Variants in TMPRSS3 observed in about 807,000 individuals in gnomAD.
The protein encoded by TMPRSS3 is transmembrane serine protease 3, also known as transmembrane protease serine 3.
Under a neutral mutation model 59.6 loss-of-function variants are expected in TMPRSS3, and 55 were observed. The observed-to-expected ratio is 0.92, with a 90% confidence interval of 0.74 to 1.16. The LOEUF is 1.16. Ranked by LOEUF, TMPRSS3 falls within the 50% of genes most tolerant of loss-of-function variation. The probability of loss-of-function intolerance (pLI) is 0.00; values close to 1 mark genes in which losing one functional copy is unlikely to be tolerated. For synonymous variants in TMPRSS3, 257 were observed against 237.7 expected (o/e 1.08, Z -0.75); for missense variants, 596 against 579.4 (o/e 1.03, Z -0.29).
At chr21:42,384,402 G>T (rs2052590177) in intron 6 of TMPRSS3, among the ~76,000 whole-genome samples, 1 of 152,158 alleles carries the variant, frequency 6.6e-6, no homozygotes, top group African/African-American at 2.4e-5. Context: ...AGCGTGGCAA[G>T]CTCTCTAGGA....
At chr21:42,374,679 T>C (rs1300344489) in intron 12 of TMPRSS3, among the ~76,000 whole-genome samples, 1 of 152,126 alleles carries the variant, frequency 6.6e-6, no homozygotes, top group Non-Finnish European at 1.5e-5. Flanking sequence ...TGCACAGCCC[T>C]GTGAATGTGC....
chr21:42,373,905 C>T (rs73225477), intron 12 of TMPRSS3, among the ~76,000 whole-genome samples: 8,819 of 152,218 alleles, frequency 0.058, 340 homozygotes, highest in East Asian at 0.19. Flanking sequence ...CTGGAAGACA[C>T]GGCGGTGGGC....
chr21:42,389,164 A>G, intron 3 of TMPRSS3, 119 bp from the exon 4 acceptor site: 8 of 1,542,340 alleles, frequency 5.2e-6, no homozygotes, highest in Non-Finnish European at 7.0e-6. Flanking sequence ...CTGTATTGAA[A>G]TTGCGTCCCT....
In TMPRSS3 at chr21:42,385,311, T is replaced by G. The variant is rs184237047; in HGVS notation, c.572+98A>C. 1.0e-3 allele frequency: 1,606 copies of G among 1,536,184 alleles called. 19 individuals carry two copies. In the African/African-American group the frequency reaches 0.019, roughly 18 times the overall value. On this transcript the variant is annotated intron_variant, in intron 6 of 12. Transcript: ENST00000644384. ...CCCACCTTCCATCTGAGATAACACA[T>G]GCATGCCTCTTAAGTCCTTGTGGAG...
At chr21:42,384,325 T>C (rs2052588998) in intron 6 of TMPRSS3, among the ~76,000 whole-genome samples, 1 of 152,146 alleles carries the variant, frequency 6.6e-6, no homozygotes, top group Non-Finnish European at 1.5e-5. Context: ...ACGCTGTCAT[T>C]GCATGGCGAT....
chr21:42,379,630 G>A (rs1382910089), intron 10 of TMPRSS3, among the ~76,000 whole-genome samples: 1 of 152,172 alleles, frequency 6.6e-6, no homozygotes, highest in Non-Finnish European at 1.5e-5. Context: ...CATTTGCATG[G>A]ACTATGGTTA....
rs756106839 is a variant in TMPRSS3 at position 42,375,809 on chromosome 21, C to G, written c.1251G>C (p.Ala417=). ...CTGCGCAGCCGATGCCAAAGCTGGT[C>G]GCTCCCACTAACTTCCACAGCCTCC... is the stretch of plus-strand genomic sequence containing the variant. ...QERRLWKLVG[A]TSFGIGCAEV... Residue 417 remains alanine (A), a synonymous_variant, in exon 12 of 13, where the codon GCG becomes GCC. Transcript: ENST00000644384. 2 of 1,613,902 alleles carry G rather than the reference C, an allele frequency of 1.2e-6. No homozygotes were observed. The highest frequency in any genetic ancestry group is 3.3e-5 in the Admixed American group (2 of 60,022).
intron 7 of TMPRSS3, chr21:42,383,464 C>A: frequency 1.7e-6 from 1 of 576,284 alleles, no homozygotes; most frequent in Non-Finnish European, 3.1e-6. Flanking sequence ...ATTGGCAGCA[C>A]CACTCCCCAT....
chr21:42,375,398 G>A (rs908345685), intron 12 of TMPRSS3, among the ~76,000 whole-genome samples: 2 of 151,446 alleles, frequency 1.3e-5, no homozygotes, highest in African/African-American at 2.4e-5. Context: ...GGCACACGGG[G>A]CACGCCCGAC....
At chr21:42,377,273 G>A (rs1298944598) in intron 10 of TMPRSS3, among the ~76,000 whole-genome samples, 2 of 152,260 alleles carry the variant, frequency 1.3e-5, no homozygotes, top group African/African-American at 4.8e-5. Flanking sequence ...GTCTTTGGAG[G>A]AGCCGGAGGA....
Position 42,376,914 on chromosome 21 carries a change from G to C in TMPRSS3, c.1049-231C>G, listed in dbSNP as rs13052961. On this transcript the variant is annotated intron_variant, in intron 10 of 12. Coordinates refer to ENST00000644384, the MANE Select transcript of TMPRSS3 (RefSeq NM_001256317.3). Reference sequence around the variant, plus strand: ...TCCTACGAGTGGCCGCAAGGGGCCAGTCTGCTTCAAGGCAGGGCCACCGAC... The same window carrying C: ...TCCTACGAGTGGCCGCAAGGGGCCACTCTGCTTCAAGGCAGGGCCACCGAC... Among the ~76,000 whole-genome samples the C allele has an allele frequency of 0.068, 10,421 of 152,172 alleles. 498 individuals are homozygous for C. The highest frequency in any genetic ancestry group is 0.13 in the African/African-American group (5,344 of 41,458).
At chr21:42,375,978 C>G in intron 11 of TMPRSS3, 110 bp from the exon 12 acceptor site, 1 of 1,405,878 alleles carries the variant, frequency 7.1e-7, no homozygotes, top group South Asian at 1.2e-5. Flanking sequence ...TGGGACCCCC[C>G]TTCATGATGT....
chr21:42,391,978 A>G (rs1351146290), intron 2 of TMPRSS3, among the ~76,000 whole-genome samples: 2 of 152,154 alleles, frequency 1.3e-5, no homozygotes, highest in African/African-American at 4.8e-5. Flanking sequence ...AGAGCAGGCC[A>G]TTTCACCTAA....
chr21:42,390,140 G>T, intron 2 of TMPRSS3, 103 bp from the exon 3 acceptor site: 1 of 928,358 alleles, frequency 1.1e-6, no homozygotes, highest in Non-Finnish European at 1.7e-6. Flanking sequence ...TCTTTGCAGA[G>T]AAGTCTCAGC....
At chr21:42,390,924 C>T (rs1056995587) in intron 2 of TMPRSS3, among the ~76,000 whole-genome samples, 3 of 152,084 alleles carry the variant, frequency 2.0e-5, no homozygotes, top group African/African-American at 7.2e-5. Context: ...GGGCACGGTG[C>T]CCTATGGGTT....
chr21:42,375,688 C>T (rs769891652), intron 12 of TMPRSS3, 28 bp downstream of exon 12: 4 of 1,613,548 alleles, frequency 2.5e-6, no homozygotes, highest in East Asian at 2.2e-5. Context: ...CCAGGGACAA[C>T]GTGAGCTGGG....
At chr21:42,384,713 C>T (rs1006422778) in intron 6 of TMPRSS3, among the ~76,000 whole-genome samples, 3 of 152,150 alleles carry the variant, frequency 2.0e-5, no homozygotes, top group East Asian at 1.9e-4. Flanking sequence ...TCATCCCCGA[C>T]GGACAGACCA....
In TMPRSS3 at chr21:42,381,787, C is replaced by G. The variant is rs1214752370; in HGVS notation, c.952+278G>C. The G allele has an allele frequency of 5.2e-6, 3 of 577,006 alleles. No individual in the cohort carries two copies. The African/African-American group carries it at 5.6e-5, about 11-fold the overall frequency. The allele number at this position is 577,006 out of a possible 1,614,324, so 35.7% of individuals were successfully genotyped here. ...TACAAACTACATTTAAACAGGGTAA[C>G]ATTGAAAATGTAGGTAGGACTCAAG... On this transcript the variant is annotated intron_variant, in intron 9 of 12. Transcript: ENST00000644384.
intron 10 of TMPRSS3, among the ~76,000 whole-genome samples, chr21:42,378,758 C>T (rs2052471467): frequency 6.6e-6 from 1 of 152,180 alleles, no homozygotes; most frequent in Non-Finnish European, 1.5e-5. Flanking sequence ...CACTCTGTCA[C>T]CCAGGATGGA....
Sources: gnomAD v4.1 joint callset for allele counts (sites outside exome capture counted in the v4.1 genomes callset) on GRCh38, gnomAD v4.1.1 for gene constraint, MANE v1.5 for transcripts, NCBI Gene and HGNC (gene_info 2026-07-23, HGNC 2026-07-21) for gene names.